PCSK2: variants seen among roughly 807,000 people sequenced by gnomAD.
PCSK2 encodes the protein neuroendocrine convertase 2.
In PCSK2, 14 loss-of-function variants were observed where a neutral mutation model predicts 69.7. That is an observed-to-expected ratio of 0.20 (90% CI 0.13 to 0.31). PCSK2 has a LOEUF of 0.31. Among genes scored for constraint, PCSK2 ranks in the 10% least tolerant of loss-of-function variants. The pLI, the probability that PCSK2 is intolerant of heterozygous loss-of-function variation, is 1.00. For synonymous variants in PCSK2, 307 were observed against 320.7 expected (o/e 0.96, Z 0.46); for missense variants, 544 against 842.5 (o/e 0.65, Z 4.39).
chr20:17,246,780 T>C (rs929526041), intron 1 of PCSK2, among the ~76,000 whole-genome samples: 1 of 151,832 alleles, frequency 6.6e-6, no homozygotes, highest in African/African-American at 2.4e-5. Context: ...GTTGTTTCAC[T>C]GATGATAAAT....
intron 5 of PCSK2, among the ~76,000 whole-genome samples, chr20:17,403,105 G>C (rs944036470): frequency 6.6e-6 from 1 of 152,214 alleles, no homozygotes; most frequent in African/African-American, 2.4e-5. Context: ...ATTTCCAAAA[G>C]CAAGAAGAAA....
chr20:17,291,187 A>G (rs1988683171), intron 2 of PCSK2, among the ~76,000 whole-genome samples: 2 of 151,846 alleles, frequency 1.3e-5, no homozygotes, highest in African/African-American at 4.8e-5. Context: ...ACCCCTACTT[A>G]CTTTAAATAA....
chr20:17,249,086 G>A (rs955900390), intron 1 of PCSK2, among the ~76,000 whole-genome samples: 1 of 152,212 alleles, frequency 6.6e-6, no homozygotes, highest in African/African-American at 2.4e-5. Flanking sequence ...ACCATAGGAA[G>A]TGCAGGGGTA....
At chr20:17,259,338 C>G (rs1022041868) in intron 1 of PCSK2, among the ~76,000 whole-genome samples, 1 of 152,180 alleles carries the variant, frequency 6.6e-6, no homozygotes, top group Non-Finnish European at 1.5e-5. Context: ...AGGTTAAGAA[C>G]TGCAAACAGC....
chr20:17,393,179 C>T (rs1429151699), intron 5 of PCSK2, among the ~76,000 whole-genome samples: 41 of 152,172 alleles, frequency 2.7e-4, no homozygotes, highest in Non-Finnish European at 1.0e-4. Context: ...CTGATGCCTT[C>T]AGTCCAATGA....
intron 1 of PCSK2, among the ~76,000 whole-genome samples, chr20:17,243,045 G>A (rs1205292514): frequency 1.3e-5 from 2 of 152,098 alleles, no homozygotes; most frequent in Non-Finnish European, 2.9e-5. Context: ...ATGAGTCATT[G>A]GGTTTACTCA....
At chr20:17,242,628 T>G (rs1412734841) in intron 1 of PCSK2, among the ~76,000 whole-genome samples, 1 of 152,332 alleles carries the variant, frequency 6.6e-6, no homozygotes, top group East Asian at 1.9e-4. Flanking sequence ...GCAAAGGACC[T>G]TCTCAGACCA....
intron 1 of PCSK2, among the ~76,000 whole-genome samples, chr20:17,238,294 C>CT (rs5840759): frequency 0.86 from 130,502 of 152,084 alleles, 56,210 homozygotes; most frequent in Admixed American, 0.9. Context: ...TGTCAGACCA[C>CT]TGGAGATTGC....
At chr20:17,481,413 A>G (rs2023236) in intron 11 of PCSK2, among the ~76,000 whole-genome samples, 171 bp from the exon 12 acceptor site, 45,200 of 115,550 alleles carry the variant, frequency 0.39, 9,847 homozygotes, top group Middle Eastern at 0.41. Flanking sequence ...AAAAAAAAAA[A>G]AGAGATAAGT....
intron 2 of PCSK2, among the ~76,000 whole-genome samples, chr20:17,275,526 A>G (rs570150364): frequency 2.6e-5 from 4 of 152,256 alleles, no homozygotes; most frequent in African/African-American, 4.8e-5. Flanking sequence ...GACTTTTACT[A>G]TTGTTCATAG....
At chr20:17,265,602 G>C (rs1357413622) in intron 2 of PCSK2, among the ~76,000 whole-genome samples, 1 of 152,112 alleles carries the variant, frequency 6.6e-6, no homozygotes, top group Non-Finnish European at 1.5e-5. Flanking sequence ...TTATTCTACA[G>C]GGCATTTGTG....
chr20:17,310,470 G>T lies in PCSK2; in HGVS notation c.283-47857G>T, dbSNP rs1487706114. On this transcript the variant is annotated intron_variant, in intron 2 of 11. Coordinates refer to ENST00000262545, the MANE Select transcript of PCSK2 (RefSeq NM_002594.5). ...AATAATATATTAATAGCCAACACTG[G>T]TTGAGAACTTGCCTTGTTCCTCTTA... Among the ~76,000 whole-genome samples, 3 of 152,018 alleles carry T rather than the reference G, an allele frequency of 2.0e-5. No homozygotes were observed. In the East Asian group the frequency reaches 5.8e-4, roughly 29 times the overall value.
intron 2 of PCSK2, among the ~76,000 whole-genome samples, chr20:17,320,785 G>A (rs946040320): frequency 6.6e-6 from 1 of 152,198 alleles, no homozygotes; most frequent in African/African-American, 2.4e-5. Context: ...GGCAGAGACA[G>A]TATTTTGGGG....
chr20:17,464,802 A>T (rs2284914), intron 10 of PCSK2: 1 of 166,216 alleles, frequency 6.0e-6, no homozygotes, highest in South Asian at 1.6e-4. Flanking sequence ...TTTACTCCCT[A>T]TCTTTTGGAT....
intron 2 of PCSK2, among the ~76,000 whole-genome samples, chr20:17,264,869 T>TTTC (rs1203218363): frequency 5.7e-3 from 18 of 3,172 alleles, no homozygotes; most frequent in African/African-American, 0.01. Flanking sequence ...TCTTTCTTTC[T>TTTC]TTTTTTTTTC....
At chr20:17,402,943 C>A in intron 5 of PCSK2, among the ~76,000 whole-genome samples, 1 of 151,302 alleles carries the variant, frequency 6.6e-6, no homozygotes, top group Non-Finnish European at 1.5e-5. Context: ...GGCGACAGAG[C>A]GAGACTCCGT....
intron 1 of PCSK2, among the ~76,000 whole-genome samples, chr20:17,249,368 G>A (rs978146238): frequency 4.0e-5 from 6 of 151,880 alleles, no homozygotes; most frequent in African/African-American, 1.5e-4. Context: ...TTAGCCAGGG[G>A]TGGTGGTGGG....
chr20:17,283,741 C>G (rs1390330635), intron 2 of PCSK2, among the ~76,000 whole-genome samples: 1 of 152,120 alleles, frequency 6.6e-6, no homozygotes, highest in African/African-American at 2.4e-5. Context: ...ACTTGTCATG[C>G]TAGAGAAAAA....
At chr20:17,235,060 G>T (rs1297207169) in intron 1 of PCSK2, among the ~76,000 whole-genome samples, 1 of 152,116 alleles carries the variant, frequency 6.6e-6, no homozygotes, top group Non-Finnish European at 1.5e-5. Flanking sequence ...ACTTCAGTCT[G>T]AAATGTATAG....
Sources: allele counts gnomAD v4.1 joint callset (sites outside exome capture counted in the v4.1 genomes callset), GRCh38; gene constraint gnomAD v4.1.1; transcripts MANE v1.5; gene names NCBI Gene and HGNC (gene_info 2026-07-23, HGNC 2026-07-21).